The following CNTN5 variants were observed in gnomAD, a reference collection of about 807,000 sequenced individuals.
CNTN5 encodes the protein contactin-5.
Under a neutral mutation model 129.1 loss-of-function variants are expected in CNTN5, and 77 were observed. The ratio of observed to expected loss-of-function variants is 0.60; its 90% CI spans 0.50 to 0.72. The LOEUF is 0.72. Among genes scored for constraint, CNTN5 ranks in the 30% least tolerant of loss-of-function variants. The probability of loss-of-function intolerance (pLI) is 0.00; values close to 1 mark genes in which losing one functional copy is unlikely to be tolerated. For missense variants in CNTN5, 1,478 were observed against 1,328.8 expected (o/e 1.11, Z -1.75); for synonymous variants, 509 against 465.6 (o/e 1.09, Z -1.20).
At chr11:99,328,448 T>C (rs1865871116) in intron 2 of CNTN5, among the ~76,000 whole-genome samples, 1 of 152,192 alleles carries the variant, frequency 6.6e-6, no homozygotes, top group African/African-American at 2.4e-5. Flanking sequence ...GAGGTGGTTC[T>C]TATAGACATC....
In CNTN5 at chr11:100,086,453, T is replaced by TA. The variant is rs370837341; in HGVS notation, c.1580+12166dup. The stretch of plus-strand genomic sequence containing the variant: ...TAAGGTATGCTATTTCCAAACTAGT[T>TA]AAAAAAATAAATATAATGAAAAGTT... On this transcript the variant is annotated intron_variant, in intron 13 of 24. Coordinates refer to ENST00000524871, the MANE Select transcript of CNTN5 (RefSeq NM_014361.4). Among the ~76,000 whole-genome samples, 424 of 149,726 alleles carry TA rather than the reference T, an allele frequency of 2.8e-3. 1 individual carries two copies. The highest frequency in any genetic ancestry group is 9.7e-3 in the African/African-American group (397 of 40,764).
intron 2 of CNTN5, among the ~76,000 whole-genome samples, chr11:99,510,413 T>C (rs1946791734): frequency 6.6e-6 from 1 of 152,192 alleles, no homozygotes; most frequent in South Asian, 2.1e-4. Flanking sequence ...TCTTTTGACC[T>C]AGAAATCTGA....
intron 15 of CNTN5, among the ~76,000 whole-genome samples, chr11:100,200,895 C>G (rs73562488): frequency 0.022 from 3,295 of 151,994 alleles, 111 homozygotes; most frequent in African/African-American, 0.075. Flanking sequence ...TATATGTTTT[C>G]TCTTTCTGAG....
At chr11:99,321,206 AC>A (rs1296247659) in intron 1 of CNTN5, among the ~76,000 whole-genome samples, 1 of 3,954 alleles carries the variant, frequency 2.5e-4, no homozygotes, top group African/African-American at 2.3e-3. Flanking sequence ...AATTGCATAC[AC>A]ACACACACAC....
intron 1 of CNTN5, among the ~76,000 whole-genome samples, chr11:99,025,227 T>A (rs751689770): frequency 6.6e-6 from 1 of 151,916 alleles, no homozygotes; most frequent in South Asian, 2.1e-4. Context: ...ATGAGTTTTC[T>A]ATGAAAAATA....
intron 1 of CNTN5, among the ~76,000 whole-genome samples, chr11:99,280,426 G>A (rs932199004): frequency 9.2e-5 from 14 of 151,616 alleles, no homozygotes; most frequent in Non-Finnish European, 1.5e-5. Context: ...TACCTAAGGT[G>A]GAATGCCAAA....
chr11:100,023,332 A>AT (rs949478269), intron 9 of CNTN5, among the ~76,000 whole-genome samples: 1 of 152,058 alleles, frequency 6.6e-6, no homozygotes, highest in African/African-American at 2.4e-5. Flanking sequence ...TTTTTTCAGG[A>AT]TTTTTTTAAA....
At chr11:100,173,013 G>A (rs923649578) in intron 13 of CNTN5, among the ~76,000 whole-genome samples, 1 of 151,996 alleles carries the variant, frequency 6.6e-6, no homozygotes. Flanking sequence ...CTCAAATAAG[G>A]TAGGGGAGGT....
At chr11:100,054,222 A>G (rs1226936969) in intron 9 of CNTN5, among the ~76,000 whole-genome samples, 1 of 151,780 alleles carries the variant, frequency 6.6e-6, no homozygotes, top group African/African-American at 2.4e-5. Context: ...ATCATAAGGC[A>G]AGCCATACTC....
At chr11:99,136,140 C>T (rs1402151212) in intron 1 of CNTN5, among the ~76,000 whole-genome samples, 1 of 152,064 alleles carries the variant, frequency 6.6e-6, no homozygotes, top group African/African-American at 2.4e-5. Flanking sequence ...TATACTCTTA[C>T]CTGGCCATTC....
intron 2 of CNTN5, among the ~76,000 whole-genome samples, chr11:99,343,605 G>A (rs140389185): frequency 6.6e-6 from 1 of 152,106 alleles, no homozygotes; most frequent in South Asian, 2.1e-4. Flanking sequence ...GTTATACGTC[G>A]ATCTCTGTAT....
chr11:99,709,534 A>G (rs1044744541), intron 3 of CNTN5, among the ~76,000 whole-genome samples: 3 of 151,850 alleles, frequency 2.0e-5, no homozygotes, highest in African/African-American at 7.2e-5. Flanking sequence ...GCATATATAC[A>G]TATGTGCATA....
intron 6 of CNTN5, among the ~76,000 whole-genome samples, chr11:99,861,956 A>C (rs538143924): frequency 6.6e-6 from 1 of 152,310 alleles, no homozygotes; most frequent in East Asian, 1.9e-4. Flanking sequence ...TTTAGAAGCC[A>C]AGCTTTAACT....
At chr11:99,196,612 G>A (rs1858914558) in intron 1 of CNTN5, among the ~76,000 whole-genome samples, 1 of 151,716 alleles carries the variant, frequency 6.6e-6, no homozygotes, top group African/African-American at 2.4e-5. Flanking sequence ...ATAATTTTTT[G>A]ATATATTACA....
At chr11:99,690,770 C>T (rs1954007061) in intron 3 of CNTN5, among the ~76,000 whole-genome samples, 1 of 152,070 alleles carries the variant, frequency 6.6e-6, no homozygotes, top group Admixed American at 6.6e-5. Flanking sequence ...ATGATGGCCT[C>T]ATAGAACGAG....
chr11:100,280,226 C>T (rs1040842825), intron 18 of CNTN5, among the ~76,000 whole-genome samples: 1 of 151,776 alleles, frequency 6.6e-6, no homozygotes, highest in Non-Finnish European at 1.5e-5. Flanking sequence ...TCCAGTGTTT[C>T]TTTGTTGATT....
rs570642231 is a variant in CNTN5 at position 100,159,976 on chromosome 11, C to T, written c.1581-31150C>T. Among the ~76,000 whole-genome samples the T allele has an allele frequency of 1.3e-4, 20 of 151,840 alleles. No homozygotes were observed. The South Asian group carries it at 3.3e-3, about 25-fold the overall frequency. On this transcript the variant is annotated intron_variant, in intron 13 of 24. Transcript: ENST00000524871. Reference sequence around the variant, plus strand: ...AAGTTCTGGGGATACATAGGCAGAACGTGCAGGTTTGTTACATAGGTATAC... The same window carrying T: ...AAGTTCTGGGGATACATAGGCAGAATGTGCAGGTTTGTTACATAGGTATAC...
intron 1 of CNTN5, among the ~76,000 whole-genome samples, chr11:99,158,094 T>A (rs1860422873): frequency 1.3e-5 from 2 of 152,146 alleles, no homozygotes; most frequent in Non-Finnish European, 2.9e-5. Context: ...TGAACCAATA[T>A]TAAAGAAAAT....
chr11:100,174,133 G>A (rs754911437), intron 13 of CNTN5, among the ~76,000 whole-genome samples: 1 of 152,058 alleles, frequency 6.6e-6, no homozygotes, highest in Non-Finnish European at 1.5e-5. Context: ...TAAAGGCAAC[G>A]GTTAGAAGGA....
Sources: allele counts gnomAD v4.1 joint callset (sites outside exome capture counted in the v4.1 genomes callset), GRCh38; gene constraint gnomAD v4.1.1; transcripts MANE v1.5; gene names NCBI Gene and HGNC (gene_info 2026-07-23, HGNC 2026-07-21).